GLI3: variants seen among roughly 807,000 people sequenced by gnomAD.
GLI3 encodes transcription activator GLI3.
GLI3 carries 20 observed loss-of-function variants against 100.8 expected under a neutral mutation model. The observed-to-expected ratio is 0.20, with a 90% CI of 0.14 to 0.29. The LOEUF is 0.29. Ranked by LOEUF, GLI3 falls within the 10% of genes least tolerant of loss-of-function variation. GLI3 has a pLI of 1.00. For missense variants in GLI3, 2,040 were observed against 2,128.5 expected, an observed-to-expected ratio of 0.96 and a Z score of 0.82; for synonymous variants, 938 against 860.5, an observed-to-expected ratio of 1.09 and a Z score of -1.58.
chr7:41,978,754 G>T lies in GLI3; in HGVS notation c.1498-6C>A, dbSNP rs754600966. ...ATATGGTCGTTATTTATATGCTGGG[G>T]TTTGGAAAAAGAGAGAGAAATCAAA... is the stretch of plus-strand genomic sequence containing the variant. On this transcript the variant is annotated splice_polypyrimidine_tract_variant and splice_region_variant and intron_variant, in intron 10 of 14. Transcript: ENST00000395925. 31 of 1,613,238 alleles carry T rather than the reference G, an allele frequency of 1.9e-5. No individual in the cohort carries two copies. In the Middle Eastern group the frequency reaches 4.9e-4, roughly 26 times the overall value.
At chr7:42,110,280 A>G (rs1379451657) in intron 3 of GLI3, among the ~76,000 whole-genome samples, 4 of 152,248 alleles carry the variant, frequency 2.6e-5, no homozygotes, top group African/African-American at 9.6e-5. Flanking sequence ...AATTCCTTTT[A>G]CAACCAACTT....
At chr7:42,191,411 T>C (rs1221795624) in intron 2 of GLI3, among the ~76,000 whole-genome samples, 1 of 152,046 alleles carries the variant, frequency 6.6e-6, no homozygotes. Flanking sequence ...CATTGATTCA[T>C]CCTTTGGGAG....
intron 7 of GLI3, among the ~76,000 whole-genome samples, chr7:42,032,727 AAG>A (rs1583494716): frequency 6.6e-6 from 1 of 152,332 alleles, no homozygotes; most frequent in East Asian, 1.9e-4. Flanking sequence ...AATGGTAAGT[AAG>A]AGCTGATTAC....
At chr7:41,989,613 T>C (rs1787927821) in intron 10 of GLI3, among the ~76,000 whole-genome samples, 1 of 152,218 alleles carries the variant, frequency 6.6e-6, no homozygotes, top group Non-Finnish European at 1.5e-5. Flanking sequence ...AGCCAGATTG[T>C]ATCCCAGAAC....
rs2128684113 is a variant in GLI3 at position 42,183,742 on chromosome 7, C to T, written c.125-35274G>A. ...AAACGATGAGTCATCTTGGATTCCT[C>T]TCTCCACAACATAGGCTGAGTCCAT... On this transcript the variant is annotated intron_variant, in intron 2 of 14. Transcript: ENST00000395925. Among the ~76,000 whole-genome samples the T allele has an allele frequency of 2.0e-5, 3 of 152,310 alleles. No homozygotes were observed. In the South Asian group the frequency reaches 6.2e-4, roughly 32 times the overall value.
At chr7:42,017,154 T>C (rs534137297) in intron 10 of GLI3, among the ~76,000 whole-genome samples, 3 of 152,328 alleles carry the variant, frequency 2.0e-5, no homozygotes, top group East Asian at 3.9e-4. Flanking sequence ...ACATCTGCTA[T>C]AGGCAAGCAT....
At chr7:42,041,950 A>C (rs2128739562) in intron 6 of GLI3, among the ~76,000 whole-genome samples, 1 of 152,256 alleles carries the variant, frequency 6.6e-6, no homozygotes, top group East Asian at 1.9e-4. Context: ...CTTCATTTAG[A>C]ATAGTTTCAT....
At chr7:42,232,402 T>C (rs1788711054) in intron 1 of GLI3, among the ~76,000 whole-genome samples, 1 of 152,044 alleles carries the variant, frequency 6.6e-6, no homozygotes. Flanking sequence ...GTCGACAGAG[T>C]ACACTTTCAA....
intron 2 of GLI3, among the ~76,000 whole-genome samples, chr7:42,211,099 A>T (rs1788263438): frequency 6.6e-6 from 1 of 152,222 alleles, no homozygotes; most frequent in South Asian, 2.1e-4. Flanking sequence ...GGATAAAAAT[A>T]TTCTAATTTT....
At chr7:42,047,161 A>G (rs948710861) in intron 5 of GLI3, among the ~76,000 whole-genome samples, 5 of 152,338 alleles carry the variant, frequency 3.3e-5, no homozygotes, top group Admixed American at 3.3e-4. Flanking sequence ...TTCTCAAAAT[A>G]AAATAAAATG....
chr7:42,133,090 C>CT (rs1216880191), intron 3 of GLI3, among the ~76,000 whole-genome samples: 6 of 151,940 alleles, frequency 3.9e-5, no homozygotes, highest in Non-Finnish European at 5.9e-5. Context: ...AAAAGAAATA[C>CT]TTTTTTTTAG....
chr7:42,084,901 CTTTTT>C (rs747166719), intron 3 of GLI3, among the ~76,000 whole-genome samples: 2 of 47,502 alleles, frequency 4.2e-5, no homozygotes, highest in African/African-American at 2.1e-4. Context: ...CATTTGGATT[CTTTTT>C]TTTTTTTTTT....
intron 4 of GLI3, among the ~76,000 whole-genome samples, chr7:42,067,354 A>G (rs1016076489): frequency 1.3e-5 from 2 of 152,242 alleles, no homozygotes; most frequent in Admixed American, 1.3e-4. Context: ...AGTAAACTGG[A>G]AATGTTTATT....
intron 10 of GLI3, among the ~76,000 whole-genome samples, chr7:41,989,987 C>CA (rs60763223): frequency 0.18 from 10,891 of 61,266 alleles, 1,062 homozygotes; most frequent in African/African-American, 0.31. Context: ...ACTCTGTCTC[C>CA]AAAAAAAAAA....
At chr7:42,201,814 T>C (rs1050052249) in intron 2 of GLI3, among the ~76,000 whole-genome samples, 1 of 152,180 alleles carries the variant, frequency 6.6e-6, no homozygotes, top group Admixed American at 6.5e-5. Flanking sequence ...CCGGGCGCCA[T>C]GGCTCACACC....
intron 10 of GLI3, among the ~76,000 whole-genome samples, chr7:42,015,834 A>G (rs898814349): frequency 1.3e-4 from 20 of 152,034 alleles, no homozygotes; most frequent in Admixed American, 1.2e-3. Flanking sequence ...TAATCTGAAC[A>G]TTCTAAAGAA....
chr7:41,971,374 T>G (rs1271528443), intron 13 of GLI3, among the ~76,000 whole-genome samples: 1 of 152,194 alleles, frequency 6.6e-6, no homozygotes, highest in Admixed American at 6.5e-5. Context: ...CCCAATATAT[T>G]TGCACAATTA....
chr7:42,008,231 C>T (rs762746259), intron 10 of GLI3, among the ~76,000 whole-genome samples: 3 of 152,066 alleles, frequency 2.0e-5, no homozygotes, highest in South Asian at 2.1e-4. Flanking sequence ...ACATTTTGGA[C>T]GGGTCTCAGA....
In GLI3 at chr7:42,071,548, T is replaced by C. The variant is rs141280526; in HGVS notation, c.473+5204A>G. Among the ~76,000 whole-genome samples the C allele has an allele frequency of 1.7e-4, 26 of 152,298 alleles. No individual in the cohort carries two copies. The East Asian group carries it at 4.8e-3, about 28-fold the overall frequency. ...AGCAGCTAGACTGAAGAGGCTCCTT[T>C]GGAATAAGTATGTGAGCTCTCAGTA... On this transcript the variant is annotated intron_variant, in intron 4 of 14. Coordinates refer to ENST00000395925, the MANE Select transcript of GLI3 (RefSeq NM_000168.6).
Sources: allele counts gnomAD v4.1 joint callset (sites outside exome capture counted in the v4.1 genomes callset), GRCh38; gene constraint gnomAD v4.1.1; transcripts MANE v1.5; gene names NCBI Gene and HGNC (gene_info 2026-07-23, HGNC 2026-07-21).